The following RAB17 variants were observed in gnomAD, a reference collection of about 807,000 sequenced individuals.
RAB17 encodes ras-related protein Rab-17.
A neutral mutation model predicts 19.3 loss-of-function variants in RAB17; 15 were observed. The ratio of observed to expected loss-of-function variants is 0.78; its 90% CI spans 0.52 to 1.20. The LOEUF (loss-of-function observed/expected upper bound fraction) is 1.20. Among genes scored for constraint, RAB17 ranks in the 50% most tolerant of loss-of-function variants. RAB17 has a pLI of 0.00. For synonymous variants in RAB17, 110 were observed against 112.8 expected (o/e 0.97, Z 0.16); for missense variants, 262 against 269.3 (o/e 0.97, Z 0.19).
chr2:237,587,008 G>T (rs2081355894), intron 1 of RAB17, among the ~76,000 whole-genome samples: 1 of 152,214 alleles, frequency 6.6e-6, no homozygotes, highest in Non-Finnish European at 1.5e-5. Flanking sequence ...TTCCAGTACG[G>T]ATGTTGCTGA....
chr2:237,575,464 G>A lies in RAB17; in HGVS notation c.452C>T (p.Ala151Val), dbSNP rs537980921. 5 of 1,610,400 alleles carry A rather than the reference G, an allele frequency of 3.1e-6. No homozygotes were observed. In the African/African-American group the frequency reaches 4.0e-5, roughly 13 times the overall value. The change falls in exon 5 of 6, where the codon GCC (alanine) becomes GTC (valine). Residue 151 changes from alanine (A) to valine (V), a missense_variant. By Grantham distance (64) the Ala-to-Val change is moderately conservative. Transcript: ENST00000264601. The stretch of plus-strand genomic sequence containing the variant: ...CATGAACAGCAACTTCTGGCTGTCG[G>A]CAAACTCCTTCCCTTCCTGAAGGAA... ...EVTFQEGKEF[A>V]DSQKLLFMET... is the part of the protein sequence containing the mutation.
chr2:237,577,463 G>C (rs570335437), intron 3 of RAB17, 81 bp from the exon 4 acceptor site: 2 of 1,457,518 alleles, frequency 1.4e-6, no homozygotes, highest in Non-Finnish European at 1.8e-6. Context: ...AGCCAGTGTT[G>C]CTGATCACGT....
chr2:237,577,720 G>A (rs761062944), intron 3 of RAB17: 8 of 476,442 alleles, frequency 1.7e-5, no homozygotes, highest in Admixed American at 1.1e-4. Context: ...TTGTGCAAGA[G>A]AGTCTGGGGG....
At chr2:237,588,301 A>C (rs1359112898) in intron 1 of RAB17, among the ~76,000 whole-genome samples, 2 of 152,220 alleles carry the variant, frequency 1.3e-5, no homozygotes, top group Non-Finnish European at 2.9e-5. Context: ...ACACAGCAAG[A>C]AGGCCCTCAA....
intron 4 of RAB17, among the ~76,000 whole-genome samples, chr2:237,577,031 T>C (rs1167010448): frequency 1.3e-5 from 2 of 150,966 alleles, no homozygotes; most frequent in African/African-American, 5.0e-5. Flanking sequence ...TGTGTGTGCG[T>C]GTGTGTGTGT....
At position 237,575,083 on chromosome 2, in the gene RAB17, C is replaced by A. The variant is rs182147656; in HGVS notation, c.575G>T (p.Arg192Leu). The A allele has an allele frequency of 3.2e-5, 51 of 1,613,788 alleles. No homozygotes were observed. The Admixed American group carries it at 5.7e-4, about 18-fold the overall frequency. ...GTTCAGAGCCACAGCTGCATCCCCCCGTAGAGCCTGGCCCTCCTCGTCGCT... is the reference window on the plus strand; with the variant it reads ...GTTCAGAGCCACAGCTGCATCCCCCAGTAGAGCCTGGCCCTCCTCGTCGCT... ...QRSDEEGQAL[R>L]GDAAVALNKG... The change falls in exon 6 of 6, where the codon CGG becomes CTG. Residue 192 changes from arginine (R) to leucine (L), a missense_variant. Physicochemically the swap from Arg to Leu is moderately radical, Grantham distance 102. Coordinates refer to ENST00000264601, the MANE Select transcript of RAB17 (RefSeq NM_022449.4).
chr2:237,574,676 C>T lies in RAB17; in HGVS notation c.*343G>A, dbSNP rs116198356. ...GATCAGACGTAAGGCATCTTCCCAC[C>T]GTCGCTGTGCTGCGGGGACTTTTCC... On this transcript the variant is annotated 3_prime_UTR_variant, in exon 6 of 6. Coordinates refer to ENST00000264601, the MANE Select transcript of RAB17 (RefSeq NM_022449.4). 20 of 1,450,316 alleles carry T rather than the reference C, an allele frequency of 1.4e-5. No individual in the cohort carries two copies. The highest frequency in any genetic ancestry group is 1.2e-4 in the South Asian group (8 of 66,600). 89.8% of individuals were successfully genotyped at this position (1,450,316 alleles called of 1,614,324 possible).
At chr2:237,576,327 C>T (rs560510341) in intron 4 of RAB17, among the ~76,000 whole-genome samples, 19 of 152,264 alleles carry the variant, frequency 1.2e-4, no homozygotes, top group Middle Eastern at 3.4e-3. Context: ...GCCCACTGCC[C>T]CTCCAAGCCT....
chr2:237,582,253 C>G (rs753537588), intron 2 of RAB17, among the ~76,000 whole-genome samples: 10 of 152,356 alleles, frequency 6.6e-5, no homozygotes, highest in Admixed American at 2.0e-4. Context: ...GAGCCCACCA[C>G]CTGTGTCATG....
chr2:237,578,183 C>T (rs757008312), intron 2 of RAB17, 28 bp from the exon 3 acceptor site: 23 of 1,587,510 alleles, frequency 1.4e-5, no homozygotes, highest in South Asian at 1.3e-4. Context: ...AGAGGGCTTA[C>T]TCAGAGGACG....
At chr2:237,581,832 CCAA>C (rs2081311102) in intron 2 of RAB17, among the ~76,000 whole-genome samples, 2 of 152,240 alleles carry the variant, frequency 1.3e-5, no homozygotes, top group Admixed American at 6.5e-5. Flanking sequence ...TGGAAAAAGC[CCAA>C]CAAGTCTGGG....
At chr2:237,576,405 G>T (rs2081263291) in intron 4 of RAB17, among the ~76,000 whole-genome samples, 1 of 152,052 alleles carries the variant, frequency 6.6e-6, no homozygotes, top group African/African-American at 2.4e-5. Flanking sequence ...CTCTCAGAGG[G>T]CACAGCTCTG....
intron 1 of RAB17, among the ~76,000 whole-genome samples, chr2:237,587,824 G>T (rs2081361495): frequency 7.0e-6 from 1 of 143,506 alleles, no homozygotes; most frequent in Admixed American, 6.9e-5. Context: ...TTTTCCATCT[G>T]TGTTTCTTAA....
At chr2:237,577,142 AGTGTGTGC>A (rs768786350) in intron 4 of RAB17, 107 bp downstream of exon 4, 9 of 1,256,784 alleles carry the variant, frequency 7.2e-6, no homozygotes, top group Non-Finnish European at 9.9e-6. Flanking sequence ...CACATGTGTA[AGTGTGTGC>A]GTGTGTGGGT....
intron 2 of RAB17, among the ~76,000 whole-genome samples, chr2:237,584,718 C>T (rs963756855): frequency 6.6e-6 from 1 of 152,206 alleles, no homozygotes; most frequent in African/African-American, 2.4e-5. Context: ...AAGCTCTCAA[C>T]ATCCAGGCCT....
At chr2:237,575,702 G>T in intron 4 of RAB17, 1 of 520,866 alleles carries the variant, frequency 1.9e-6, no homozygotes, top group African/African-American at 1.9e-5. Context: ...CTGGCGGGGT[G>T]CGGCCTTCCT....
intron 2 of RAB17, among the ~76,000 whole-genome samples, chr2:237,584,884 T>C (rs1285980198): frequency 6.6e-6 from 1 of 152,214 alleles, no homozygotes; most frequent in Non-Finnish European, 1.5e-5. Flanking sequence ...AGGATTGTAC[T>C]GCACACCACA....
At chr2:237,577,530 T>G in intron 3 of RAB17, 148 bp from the exon 4 acceptor site, 1 of 898,036 alleles carries the variant, frequency 1.1e-6, no homozygotes, top group Non-Finnish European at 1.6e-6. Flanking sequence ...GGCTGCTCCG[T>G]TCCTCTGAGG....
intron 2 of RAB17, among the ~76,000 whole-genome samples, chr2:237,583,857 G>T (rs966857748): frequency 6.6e-6 from 1 of 152,074 alleles, no homozygotes. Context: ...GAAAGCTGCC[G>T]GCAGGGGGAT....
Sources: allele counts gnomAD v4.1 joint callset (sites outside exome capture counted in the v4.1 genomes callset), GRCh38; gene constraint gnomAD v4.1.1; transcripts MANE v1.5; gene names NCBI Gene and HGNC (gene_info 2026-07-23, HGNC 2026-07-21).